Variants in TTYH2 observed in about 807,000 individuals in gnomAD.
TTYH2 encodes the protein tweety family member 2, also known as protein tweety homolog 2.
TTYH2 carries 49 observed loss-of-function variants against 68.3 expected under a neutral mutation model. That is an observed-to-expected ratio of 0.72 (90% confidence interval 0.57 to 0.91). The LOEUF (loss-of-function observed/expected upper bound fraction) is 0.91, where lower values mean the gene tolerates loss of function less well. Among genes scored for constraint, TTYH2 ranks in the 40% least tolerant of loss-of-function variants. TTYH2 has a pLI of 0.00. For missense variants in TTYH2, 631 were observed against 700.4 expected, an observed-to-expected ratio of 0.90 and a Z score of 1.12; for synonymous variants, 272 against 300.8, an observed-to-expected ratio of 0.90 and a Z score of 0.99.
chr17:74,226,588 G>A (rs76934137), intron 2 of TTYH2, among the ~76,000 whole-genome samples: 1,680 of 152,264 alleles, frequency 0.011, 43 homozygotes, highest in South Asian at 0.11. Context: ...ACAGCAGCAG[G>A]AGAAGGGATG....
At chr17:74,255,241 C>A (rs2050681460) in intron 13 of TTYH2, among the ~76,000 whole-genome samples, 1 of 152,198 alleles carries the variant, frequency 6.6e-6, no homozygotes, top group Non-Finnish European at 1.5e-5. Flanking sequence ...CTTTGCTGCT[C>A]TGTGCCTCAG....
rs1386433008 is a variant in TTYH2, at chr17:74,241,385, T to C, written c.636-1989T>C. ...GCTAAGTCTAAGGAAACTGGCTTCT[T>C]GGTGGCAGCAGGCTCTGCCCACTCC... On this transcript the variant is annotated intron_variant, in intron 4 of 13. Coordinates refer to ENST00000269346, the MANE Select transcript of TTYH2 (RefSeq NM_032646.6). This position sits in a 1 kb window ranked among gnomAD's most constrained non-coding sequence, Gnocchi z 4.1. Among the ~76,000 whole-genome samples, 1 of 152,110 alleles carries C rather than the reference T, an allele frequency of 6.6e-6. No homozygotes were observed. The highest frequency in any genetic ancestry group is 1.5e-5 in the Non-Finnish European group (1 of 68,016).
chr17:74,230,870 T>C lies in TTYH2; in HGVS notation c.303-18T>C. ...TCTGTGTATCACCTCTAACCTCTGT[T>C]TGGGATCTTGCTTATAGTGCTGCGG... On this transcript the variant is annotated intron_variant, in intron 2 of 13. Coordinates refer to ENST00000269346, the MANE Select transcript of TTYH2 (RefSeq NM_032646.6). 6.2e-7 allele frequency: 1 copy of C among 1,613,120 alleles called. No homozygotes were observed. Among genetic ancestry groups the C allele is most frequent in the Non-Finnish European group, 8.5e-7 (1 of 1,179,212 alleles).
intron 3 of TTYH2, 104 bp from the exon 4 acceptor site, chr17:74,237,186 GTAAT>G: frequency 9.3e-7 from 1 of 1,075,490 alleles, no homozygotes; most frequent in South Asian, 1.5e-5. Context: ...AGGCATGAGC[GTAAT>G]TATCGCACCT....
chr17:74,244,300 C>T (rs1042694538), intron 6 of TTYH2, among the ~76,000 whole-genome samples: 3 of 152,218 alleles, frequency 2.0e-5, no homozygotes, highest in African/African-American at 7.2e-5. Flanking sequence ...CAGAGAGAAG[C>T]CCCCGGCTGC....
intron 2 of TTYH2, among the ~76,000 whole-genome samples, chr17:74,226,231 T>G (rs2050328152): frequency 6.6e-6 from 1 of 152,128 alleles, no homozygotes; most frequent in African/African-American, 2.4e-5. Flanking sequence ...GTCACACACA[T>G]GGGTGACCTG....
chr17:74,248,333 C>T, intron 6 of TTYH2: 2 of 986,064 alleles, frequency 2.0e-6, no homozygotes, highest in Non-Finnish European at 2.4e-6. Context: ...GGGCCTGCGT[C>T]TGCTCCCACC....
rs771307556 is a variant in TTYH2, at chr17:74,253,791, C to T, written c.1482C>T (p.Tyr494=). 2.0e-5 allele frequency: 32 copies of T among 1,614,088 alleles called. No homozygotes were observed. Among genetic ancestry groups the T allele is most frequent in the Admixed American group, 1.5e-4 (9 of 60,006 alleles). Residue 494 remains tyrosine, a synonymous_variant, in exon 13 of 14, where the codon TAC becomes TAT. Transcript: ENST00000269346. ...QAMLFGRNPR[Y]ENVPLIGRAS... is the part of the protein sequence containing the mutation. ...TGCTCTTTGGTAGGAACCCACGCTACGAGAACGTGCCACTAATCGGGAGAG... is the reference window on the plus strand; with the variant it reads ...TGCTCTTTGGTAGGAACCCACGCTATGAGAACGTGCCACTAATCGGGAGAG...
intron 13 of TTYH2, among the ~76,000 whole-genome samples, chr17:74,255,588 A>C (rs923172024): frequency 1.3e-5 from 2 of 152,082 alleles, no homozygotes; most frequent in Non-Finnish European, 2.9e-5. Flanking sequence ...ACTAGCTGGG[A>C]TTACAGGCAT....
In TTYH2 at chr17:74,222,709, G is replaced by T. The variant is rs1438177139; in HGVS notation, c.302+52G>T. 19 of 1,532,096 alleles carry T rather than the reference G, an allele frequency of 1.2e-5. No homozygotes were observed. The highest frequency in any genetic ancestry group is 1.6e-5 in the Non-Finnish European group (18 of 1,139,130). The allele number at this position is 1,532,096 out of a possible 1,614,324, so 94.9% of individuals were successfully genotyped here. On this transcript the variant is annotated intron_variant, in intron 2 of 13. Transcript: ENST00000269346. This position sits in a 1 kb window ranked among gnomAD's most constrained non-coding sequence, Gnocchi z 5.2. Reference sequence around the variant, plus strand: ...GGGTGTGTGACTCAGTCTGCAAGGGGCCAGGGACTGTTTGACCATGTTCTG... The same window carrying T: ...GGGTGTGTGACTCAGTCTGCAAGGGTCCAGGGACTGTTTGACCATGTTCTG...
At position 74,217,833 on chromosome 17, in the gene TTYH2, T is replaced by C. The variant is rs992170578; in HGVS notation, c.129+4117T>C. Among the ~76,000 whole-genome samples, 1 of 152,208 alleles carries C rather than the reference T, an allele frequency of 6.6e-6. No homozygotes were observed. The highest frequency in any genetic ancestry group is 2.4e-5 in the African/African-American group (1 of 41,452). On this transcript the variant is annotated intron_variant, in intron 1 of 13. Transcript: ENST00000269346. The surrounding 1 kb of genome is among the most constrained non-coding windows in gnomAD (Gnocchi z 4.0). ...GCTTGGCACTCTCCGCTCTGGGTTT[T>C]TCATGACACAGTGACAAATCAGAAA... is the stretch of plus-strand genomic sequence containing the variant.
rs941925048 is a variant in TTYH2 at position 74,214,531 on chromosome 17, G to A, written c.129+815G>A. Among the ~76,000 whole-genome samples, 9 of 152,088 alleles carry A rather than the reference G, an allele frequency of 5.9e-5. No individual in the cohort carries two copies. The highest frequency in any genetic ancestry group is 5.2e-4 in the Admixed American group (8 of 15,268). On this transcript the variant is annotated intron_variant, in intron 1 of 13. Transcript: ENST00000269346. This position sits in a 1 kb window ranked among gnomAD's most constrained non-coding sequence, Gnocchi z 4.6. ...TAGGGCAGTCACTCCCGGCTTCCCC[G>A]CCCTTTCCCTACTCTGCTGACCCTT... is the stretch of plus-strand genomic sequence containing the variant.
intron 12 of TTYH2, 141 bp from the exon 13 acceptor site, chr17:74,253,614 A>G (rs2050660606): frequency 2.5e-6 from 2 of 789,446 alleles, no homozygotes; most frequent in Admixed American, 4.2e-5. Flanking sequence ...ATATCTGCCC[A>G]CTGCACCCCC....
intron 1 of TTYH2, among the ~76,000 whole-genome samples, chr17:74,220,327 A>T (rs1361307535): frequency 6.6e-6 from 1 of 152,216 alleles, no homozygotes; most frequent in South Asian, 2.1e-4. Context: ...AAAAAGTTTG[A>T]GAACTTCTGT....
chr17:74,223,026 A>G (rs2050292956), intron 2 of TTYH2, among the ~76,000 whole-genome samples: 1 of 150,070 alleles, frequency 6.7e-6, no homozygotes, highest in Admixed American at 6.6e-5. Flanking sequence ...CTCCAGCACA[A>G]ATCAATTCCA....
chr17:74,220,586 G>A (rs946333706), intron 1 of TTYH2, among the ~76,000 whole-genome samples: 1 of 152,182 alleles, frequency 6.6e-6, no homozygotes, highest in African/African-American at 2.4e-5. Flanking sequence ...TGGTGAAGGG[G>A]CATGGACTGA....
At chr17:74,226,053 G>A (rs78232005) in intron 2 of TTYH2, among the ~76,000 whole-genome samples, 153 of 152,336 alleles carry the variant, frequency 1.0e-3, no homozygotes, top group East Asian at 4.4e-3. Context: ...TTAAGCCCCC[G>A]GATGGGGTGG....
chr17:74,253,246 C>T lies in TTYH2; in HGVS notation c.1425C>T (p.Asn475=), dbSNP rs142862538. 309 of 1,603,864 alleles carry T rather than the reference C, an allele frequency of 1.9e-4. No individual in the cohort carries two copies. Among genetic ancestry groups the T allele is most frequent in the Non-Finnish European group, 2.3e-4 (269 of 1,176,126 alleles). The part of the protein sequence containing the change: ...SLQPPAQTIS[N]APVSEYMNQA... ...AGCCCCCGGCCCAGACCATCTCCAA[C>T]GCCCCTGTCTCCGAGTACATGTACG... The change falls in exon 12 of 14, where the codon AAC becomes AAT. Residue 475 remains asparagine (N), a synonymous_variant. Transcript: ENST00000269346.
rs181529683 is a variant in TTYH2, at chr17:74,244,180, C to T, written c.804+131C>T. The T allele has an allele frequency of 4.8e-6, 4 of 840,030 alleles. No homozygotes were observed. The African/African-American group carries it at 5.0e-5, about 11-fold the overall frequency. 52.0% of individuals were successfully genotyped at this position (840,030 alleles called of 1,614,324 possible). On this transcript the variant is annotated intron_variant, in intron 6 of 13. Transcript: ENST00000269346. ...TCCCAGAATCTCAGAACCAAAGGGA[C>T]TTGCGTCATCTGAACCGGCCCCTCT...
Sources: gnomAD v4.1 joint callset for allele counts (sites outside exome capture counted in the v4.1 genomes callset) on GRCh38, gnomAD v4.1.1 for gene constraint, Gnocchi (gnomAD v3.1) non-coding constraint, MANE v1.5 for transcripts, NCBI Gene and HGNC (gene_info 2026-07-23, HGNC 2026-07-21) for gene names.